Variants in CDYL2 observed in about 807,000 individuals in gnomAD.
The protein encoded by CDYL2 is chromodomain Y like 2.
Under a neutral mutation model 49.4 loss-of-function variants are expected in CDYL2, and 23 were observed. The observed-to-expected ratio is 0.47, with a 90% CI of 0.34 to 0.66. The LOEUF is 0.66. CDYL2 is among the 30% of genes least tolerant of loss of function. The probability of loss-of-function intolerance (pLI) is 0.01; values close to 1 mark genes in which losing one functional copy is unlikely to be tolerated. For synonymous variants in CDYL2, 360 were observed against 268.8 expected, an observed-to-expected ratio of 1.34 and a Z score of -3.32; for missense variants, 678 against 656.4, an observed-to-expected ratio of 1.03 and a Z score of -0.36.
chr16:80,735,551 T>G (rs1008957392), intron 1 of CDYL2, among the ~76,000 whole-genome samples: 6 of 152,194 alleles, frequency 3.9e-5, no homozygotes, highest in Admixed American at 6.5e-5. Flanking sequence ...TGTTTGATAC[T>G]ATAAGGCTCC....
intron 1 of CDYL2, among the ~76,000 whole-genome samples, chr16:80,686,672 C>T (rs1910208254): frequency 1.3e-5 from 2 of 152,136 alleles, no homozygotes; most frequent in Admixed American, 1.3e-4. Context: ...AGTGAAAAAA[C>T]TTTGAAAAGT....
At chr16:80,743,273 G>A (rs766605220) in intron 1 of CDYL2, among the ~76,000 whole-genome samples, 4 of 152,290 alleles carry the variant, frequency 2.6e-5, no homozygotes, top group Non-Finnish European at 1.5e-5. Context: ...TAAATGGTAA[G>A]CGCAGACATT....
At chr16:80,650,986 G>A (rs1597149164) in intron 2 of CDYL2, among the ~76,000 whole-genome samples, 1 of 144,574 alleles carries the variant, frequency 6.9e-6, no homozygotes, top group East Asian at 2.3e-4. Flanking sequence ...GGGGGCGGGG[G>A]AGATGAAGTG....
chr16:80,707,161 A>G (rs142208331), intron 1 of CDYL2, among the ~76,000 whole-genome samples: 84 of 152,294 alleles, frequency 5.5e-4, no homozygotes, highest in African/African-American at 1.9e-3. Context: ...GAAAATTTTT[A>G]GACAATAAAA....
intron 1 of CDYL2, among the ~76,000 whole-genome samples, chr16:80,776,433 CA>C (rs1208927401): frequency 6.6e-6 from 1 of 151,468 alleles, no homozygotes; most frequent in Non-Finnish European, 1.5e-5. Flanking sequence ...GAAGGAGCTA[CA>C]AAAAAATATT....
chr16:80,727,600 C>T (rs1167702369), intron 1 of CDYL2, among the ~76,000 whole-genome samples: 1 of 152,242 alleles, frequency 6.6e-6, no homozygotes, highest in South Asian at 2.1e-4. Flanking sequence ...CCCACCACAG[C>T]TCAAGGAGGC....
intron 2 of CDYL2, among the ~76,000 whole-genome samples, chr16:80,648,741 C>CA (rs890507491): frequency 6.6e-6 from 1 of 150,534 alleles, no homozygotes; most frequent in African/African-American, 2.4e-5. Flanking sequence ...AGCACTGATG[C>CA]AAAAATCCTC....
Position 80,623,790 on chromosome 16 carries a change from C to T in CDYL2, c.835-2855G>A, listed in dbSNP as rs139835293. ...GACTCAGGAAGTCAGACTTTGGGGA[C>T]CATGTCCTTCACCGCAGGCTAGGCT... On this transcript the variant is annotated intron_variant, in intron 3 of 6. Transcript: ENST00000570137. 2.2e-4 allele frequency among the ~76,000 whole-genome samples: 33 copies of T among 152,250 alleles called. No individual in the cohort carries two copies. In the East Asian group the frequency reaches 3.9e-3, roughly 18 times the overall value.
chr16:80,740,556 G>C (rs79013898), intron 1 of CDYL2, among the ~76,000 whole-genome samples: 2,838 of 152,240 alleles, frequency 0.019, 39 homozygotes, highest in East Asian at 0.067. Flanking sequence ...AAAATGAGAA[G>C]TGATCTATAC....
chr16:80,621,884 G>A (rs992609738), intron 3 of CDYL2, among the ~76,000 whole-genome samples: 2 of 152,200 alleles, frequency 1.3e-5, no homozygotes, highest in East Asian at 1.9e-4. Flanking sequence ...AGGTGCCCTC[G>A]GTAAGTGGTA....
rs111681228 is a variant in CDYL2, at chr16:80,608,897, C to T, written c.1219-662G>A. 1.2e-3 allele frequency among the ~76,000 whole-genome samples: 186 copies of T among 152,322 alleles called. 1 individual carries two copies. Among genetic ancestry groups the T allele is most frequent in the African/African-American group, 4.3e-3 (178 of 41,584 alleles). On this transcript the variant is annotated intron_variant, in intron 5 of 6. Coordinates refer to ENST00000570137, the MANE Select transcript of CDYL2 (RefSeq NM_152342.4). ...GGGAACTGCCACTTCTGCTTTCCAG[C>T]TGGGAGAACCATTAAGCTCCTTTTT...
chr16:80,724,673 C>G (rs571066146), intron 1 of CDYL2, among the ~76,000 whole-genome samples: 1 of 152,136 alleles, frequency 6.6e-6, no homozygotes, highest in Non-Finnish European at 1.5e-5. Flanking sequence ...CATTTGTGTA[C>G]TAGGCCCATG....
At chr16:80,633,756 G>C (rs73583634) in intron 2 of CDYL2, among the ~76,000 whole-genome samples, 8,963 of 152,250 alleles carry the variant, frequency 0.059, 810 homozygotes, top group African/African-American at 0.2. Context: ...TGAGATGAGA[G>C]GGGTGAATAC....
chr16:80,725,325 C>T (rs1419179526), intron 1 of CDYL2, among the ~76,000 whole-genome samples: 1 of 152,142 alleles, frequency 6.6e-6, no homozygotes, highest in Non-Finnish European at 1.5e-5. Flanking sequence ...ATTGGAGACC[C>T]GCATATTTGA....
At chr16:80,770,250 G>C (rs1238301803) in intron 1 of CDYL2, among the ~76,000 whole-genome samples, 1 of 152,122 alleles carries the variant, frequency 6.6e-6, no homozygotes, top group African/African-American at 2.4e-5. Flanking sequence ...CAGATTAAAA[G>C]ATTAGGTACC....
rs1906187828 is a variant in CDYL2, at chr16:80,603,491, G to C, written c.*897C>G. 6.6e-6 allele frequency: 1 copy of C among 152,146 alleles called. No individual in the cohort carries two copies. The highest frequency in any genetic ancestry group is 1.5e-5 in the Non-Finnish European group (1 of 68,038). 9.4% of individuals were successfully genotyped at this position (152,146 alleles called of 1,614,324 possible). A position where few individuals can be genotyped will look rare whatever the true frequency, so the allele number is the denominator to read the frequency against. The stretch of plus-strand genomic sequence containing the variant: ...GAACCGTTTTACACAGAGGTGCAGC[G>C]CTATTCCTTTTGTCCACAGAAATCC... On this transcript the variant is annotated 3_prime_UTR_variant, in exon 7 of 7. Transcript: ENST00000570137.
intron 2 of CDYL2, among the ~76,000 whole-genome samples, chr16:80,662,283 G>C (rs575272368): frequency 2.0e-4 from 31 of 152,284 alleles, no homozygotes; most frequent in Middle Eastern, 3.4e-3. Flanking sequence ...AAACAAAATA[G>C]TAACACCTTG....
intron 1 of CDYL2, among the ~76,000 whole-genome samples, chr16:80,744,723 T>G (rs1290328885): frequency 6.6e-6 from 1 of 152,152 alleles, no homozygotes; most frequent in Non-Finnish European, 1.5e-5. Context: ...AAGGTTTTAG[T>G]GGCATGGGTC....
chr16:80,762,718 T>C (rs965067466), intron 1 of CDYL2, among the ~76,000 whole-genome samples: 1 of 152,156 alleles, frequency 6.6e-6, no homozygotes, highest in African/African-American at 2.4e-5. Flanking sequence ...CAGTGGAAAA[T>C]TCATGTCATC....
Sources: gnomAD v4.1 joint callset for allele counts (sites outside exome capture counted in the v4.1 genomes callset) on GRCh38, gnomAD v4.1.1 for gene constraint, MANE v1.5 for transcripts, NCBI Gene and HGNC (gene_info 2026-07-23, HGNC 2026-07-21) for gene names.